Variants in WWOX observed in about 807,000 individuals in gnomAD.
WWOX encodes the protein WW domain-containing oxidoreductase.
WWOX carries 69 observed loss-of-function variants against 46.2 expected under a neutral mutation model. That is an observed-to-expected ratio of 1.49 (90% CI 1.23 to 1.82). WWOX has a LOEUF of 1.82. WWOX is among the 40% of genes most tolerant of loss of function. The pLI is 0.00. For missense variants in WWOX, 919 were observed against 542.6 expected (o/e 1.69, Z -6.89); for synonymous variants, 359 against 202.6 (o/e 1.77, Z -6.56).
intron 5 of WWOX, among the ~76,000 whole-genome samples, chr16:78,298,191 C>A (rs1214705929): frequency 6.6e-6 from 1 of 152,156 alleles, no homozygotes; most frequent in Non-Finnish European, 1.5e-5. Context: ...CCTTTATAAA[C>A]CACCCAGTCT....
intron 8 of WWOX, among the ~76,000 whole-genome samples, chr16:78,774,715 C>G (rs1184595053): frequency 1.3e-5 from 2 of 151,800 alleles, no homozygotes; most frequent in Non-Finnish European, 2.9e-5. Context: ...GTACATGTCC[C>G]CACCCAACAC....
At chr16:78,662,396 C>T (rs1597410051) in intron 8 of WWOX, among the ~76,000 whole-genome samples, 2 of 152,072 alleles carry the variant, frequency 1.3e-5, no homozygotes, top group East Asian at 1.9e-4. Context: ...TTCGTTTGTT[C>T]TGTTTCCCAC....
chr16:78,686,498 G>A (rs962167016), intron 8 of WWOX, among the ~76,000 whole-genome samples: 12 of 138,718 alleles, frequency 8.7e-5, no homozygotes, highest in Non-Finnish European at 1.6e-4. Context: ...GGGACAGAGC[G>A]AGACTCCCTG....
At chr16:78,766,735 T>G (rs1327220398) in intron 8 of WWOX, among the ~76,000 whole-genome samples, 1 of 152,246 alleles carries the variant, frequency 6.6e-6, no homozygotes, top group Non-Finnish European at 1.5e-5. Context: ...CAGATCAAGC[T>G]CTTCCACAGA....
At chr16:78,845,012 G>A (rs187471631) in intron 8 of WWOX, among the ~76,000 whole-genome samples, 99 of 152,270 alleles carry the variant, frequency 6.5e-4, no homozygotes, top group African/African-American at 1.7e-3. Context: ...CCAACCATGC[G>A]GACACAGCGC....
chr16:78,875,562 C>G (rs1019418689), intron 8 of WWOX, among the ~76,000 whole-genome samples: 1 of 152,178 alleles, frequency 6.6e-6, no homozygotes, highest in African/African-American at 2.4e-5. Context: ...ATGGAATTCA[C>G]TTTGCCTCTC....
intron 8 of WWOX, among the ~76,000 whole-genome samples, chr16:78,927,327 A>T (rs1278817245): frequency 6.6e-6 from 1 of 152,182 alleles, no homozygotes; most frequent in African/African-American, 2.4e-5. Flanking sequence ...TATCCTGGTG[A>T]CCTTAGGCAA....
intron 5 of WWOX, among the ~76,000 whole-genome samples, chr16:78,175,753 G>T (rs2035323118): frequency 6.6e-6 from 1 of 152,210 alleles, no homozygotes; most frequent in Non-Finnish European, 1.5e-5. Flanking sequence ...AATATGGTAA[G>T]ATACCAAATG....
At chr16:79,053,981 T>C (rs2048216573) in intron 8 of WWOX, among the ~76,000 whole-genome samples, 1 of 128,560 alleles carries the variant, frequency 7.8e-6, no homozygotes, top group Non-Finnish European at 1.7e-5. Context: ...TGTTATTATC[T>C]CAAGGAGAGA....
chr16:78,250,974 G>A (rs1241688312), intron 5 of WWOX, among the ~76,000 whole-genome samples: 1 of 152,126 alleles, frequency 6.6e-6, no homozygotes, highest in Non-Finnish European at 1.5e-5. Context: ...TATATATAAG[G>A]GACAAATCTC....
At chr16:78,944,173 A>C (rs374320912) in intron 8 of WWOX, among the ~76,000 whole-genome samples, 1 of 152,122 alleles carries the variant, frequency 6.6e-6, no homozygotes, top group East Asian at 1.9e-4. Flanking sequence ...TTGTCTTTCA[A>C]GACTCAGCAC....
chr16:78,766,134 C>T (rs891899323), intron 8 of WWOX, among the ~76,000 whole-genome samples: 17 of 152,170 alleles, frequency 1.1e-4, no homozygotes, highest in Non-Finnish European at 2.1e-4. Flanking sequence ...CCCTGATAGT[C>T]GGTGGGAACT....
At chr16:78,721,665 G>T (rs1469423383) in intron 8 of WWOX, among the ~76,000 whole-genome samples, 1 of 152,208 alleles carries the variant, frequency 6.6e-6, no homozygotes, top group Non-Finnish European at 1.5e-5. Context: ...TGACCTTAAA[G>T]AAATAAATTG....
intron 4 of WWOX, among the ~76,000 whole-genome samples, chr16:78,140,464 C>G (rs191600611): frequency 3.9e-5 from 6 of 152,238 alleles, no homozygotes; most frequent in East Asian, 1.9e-4. Flanking sequence ...GGCTAGAAGT[C>G]TGAAATCAAG....
At chr16:78,462,340 A>G (rs1202609711) in intron 8 of WWOX, among the ~76,000 whole-genome samples, 2 of 151,788 alleles carry the variant, frequency 1.3e-5, no homozygotes. Context: ...CTGTGATTCT[A>G]TTAGCGCACT....
At chr16:78,822,626 C>G (rs1251986543) in intron 8 of WWOX, among the ~76,000 whole-genome samples, 1 of 152,112 alleles carries the variant, frequency 6.6e-6, no homozygotes, top group Non-Finnish European at 1.5e-5. Flanking sequence ...CCAGTGGTCA[C>G]GTGTTCCTAA....
At chr16:78,832,357 T>C (rs1487712477) in intron 8 of WWOX, among the ~76,000 whole-genome samples, 3 of 152,182 alleles carry the variant, frequency 2.0e-5, no homozygotes, top group Non-Finnish European at 2.9e-5. Flanking sequence ...GCATGGCCTT[T>C]TAAGCCCCAT....
chr16:78,568,455 T>C (rs2044631307), intron 8 of WWOX, among the ~76,000 whole-genome samples: 1 of 151,850 alleles, frequency 6.6e-6, no homozygotes, highest in Non-Finnish European at 1.5e-5. Context: ...TTTTCTTTTT[T>C]TTAAAAAAAA....
chr16:79,087,282 G>A (rs1286688139), intron 8 of WWOX, among the ~76,000 whole-genome samples: 1 of 152,182 alleles, frequency 6.6e-6, no homozygotes, highest in East Asian at 1.9e-4. Context: ...GGGGACCTCC[G>A]GAATGTTCTC....
Sources: allele counts gnomAD v4.1 joint callset (sites outside exome capture counted in the v4.1 genomes callset), GRCh38; gene constraint gnomAD v4.1.1; transcripts MANE v1.5; gene names NCBI Gene and HGNC (gene_info 2026-07-23, HGNC 2026-07-21).